The following UBE2E3 variants were observed in gnomAD, a reference collection of about 807,000 sequenced individuals.
UBE2E3 encodes the protein ubiquitin conjugating enzyme E2 E3.
UBE2E3 carries 5 observed loss-of-function variants against 23.6 expected under a neutral mutation model. The ratio of observed to expected loss-of-function variants is 0.21; its 90% CI spans 0.11 to 0.44. The LOEUF is 0.44. Among genes scored for constraint, UBE2E3 ranks in the 20% least tolerant of loss-of-function variants. UBE2E3 has a pLI of 0.99. For synonymous variants in UBE2E3, 78 were observed against 87.5 expected, an observed-to-expected ratio of 0.89 and a Z score of 0.60; for missense variants, 81 against 249.8, an observed-to-expected ratio of 0.32 and a Z score of 4.55.
At chr2:180,984,984 A>C (rs1215534985) in intron 3 of UBE2E3, among the ~76,000 whole-genome samples, 1 of 152,114 alleles carries the variant, frequency 6.6e-6, no homozygotes, top group Non-Finnish European at 1.5e-5. Flanking sequence ...TTATGGTTTG[A>C]TAGGACAATG....
At chr2:180,984,145 AGATT>A (rs761699908) in intron 3 of UBE2E3, 52 bp downstream of exon 3, 9 of 1,489,522 alleles carry the variant, frequency 6.0e-6, no homozygotes, top group Non-Finnish European at 8.4e-6. Flanking sequence ...AAATACCAAG[AGATT>A]GATGTATTGT....
At chr2:181,058,202 T>G (rs888327175) in intron 4 of UBE2E3, among the ~76,000 whole-genome samples, 5 of 151,738 alleles carry the variant, frequency 3.3e-5, no homozygotes, top group African/African-American at 1.2e-4. Flanking sequence ...TTTGACAGCT[T>G]CCAGAAATAA....
At chr2:181,055,673 TA>T (rs1422543762) in intron 3 of UBE2E3, among the ~76,000 whole-genome samples, 6 of 141,086 alleles carry the variant, frequency 4.3e-5, no homozygotes, top group African/African-American at 1.7e-4. Flanking sequence ...TATCCTGCAA[TA>T]GTTAAATGTA....
At chr2:180,995,799 C>T (rs1456935376) in intron 3 of UBE2E3, among the ~76,000 whole-genome samples, 1 of 148,724 alleles carries the variant, frequency 6.7e-6, no homozygotes, top group South Asian at 2.1e-4. Context: ...TTTAACGAAA[C>T]AAAACTCCTG....
chr2:181,031,793 TAAA>T (rs1686087769), intron 3 of UBE2E3, among the ~76,000 whole-genome samples: 1 of 152,178 alleles, frequency 6.6e-6, no homozygotes, highest in South Asian at 2.1e-4. Flanking sequence ...TGTGCTTACT[TAAA>T]AAGAAGTCGT....
chr2:181,016,093 C>T (rs1685481011), intron 3 of UBE2E3, among the ~76,000 whole-genome samples: 1 of 151,836 alleles, frequency 6.6e-6, no homozygotes, highest in Non-Finnish European at 1.5e-5. Context: ...ATTCATATGG[C>T]AGACCTTGAA....
At chr2:181,032,668 G>A (rs1307009468) in intron 3 of UBE2E3, among the ~76,000 whole-genome samples, 1 of 151,922 alleles carries the variant, frequency 6.6e-6, no homozygotes, top group African/African-American at 2.4e-5. Context: ...ACTGTAATTT[G>A]GACATGCAAA....
At chr2:180,981,675 A>T (rs969774145) in intron 1 of UBE2E3, among the ~76,000 whole-genome samples, 1 of 152,198 alleles carries the variant, frequency 6.6e-6, no homozygotes, top group Non-Finnish European at 1.5e-5. Flanking sequence ...TTTCAGCGAG[A>T]TCTGTTATTT....
At chr2:181,016,378 C>A (rs1685492409) in intron 3 of UBE2E3, among the ~76,000 whole-genome samples, 1 of 152,026 alleles carries the variant, frequency 6.6e-6, no homozygotes, top group Non-Finnish European at 1.5e-5. Context: ...CCATGCTTGG[C>A]TAATACCTTT....
chr2:181,034,642 G>A (rs574272183), intron 3 of UBE2E3, among the ~76,000 whole-genome samples: 17 of 152,182 alleles, frequency 1.1e-4, no homozygotes, highest in South Asian at 4.2e-4. Flanking sequence ...GAACCTGCAC[G>A]TTGTGCACAT....
chr2:181,047,074 A>C (rs144850992), intron 3 of UBE2E3, among the ~76,000 whole-genome samples: 21 of 152,284 alleles, frequency 1.4e-4, no homozygotes, highest in Non-Finnish European at 2.6e-4. Context: ...CAGCATACAC[A>C]TGCAGGTAGT....
At chr2:181,007,205 C>T (rs930500975) in intron 3 of UBE2E3, among the ~76,000 whole-genome samples, 1 of 152,180 alleles carries the variant, frequency 6.6e-6, no homozygotes. Flanking sequence ...ATGCCCACTG[C>T]CCCTTTGAGT....
intron 3 of UBE2E3, among the ~76,000 whole-genome samples, chr2:181,008,659 C>G (rs1321316216): frequency 6.6e-6 from 1 of 152,140 alleles, no homozygotes; most frequent in Non-Finnish European, 1.5e-5. Context: ...GGCGGAGTCT[C>G]TAGTGGTGAG....
In UBE2E3 at chr2:181,029,263, A is replaced by G. The variant is rs901112664; in HGVS notation, c.246-28430A>G. Among the ~76,000 whole-genome samples the G allele has an allele frequency of 2.0e-5, 3 of 151,916 alleles. No individual in the cohort carries two copies. In the East Asian group the frequency reaches 5.8e-4, roughly 29 times the overall value. On this transcript the variant is annotated intron_variant, in intron 3 of 5. Coordinates refer to ENST00000410062, the MANE Select transcript of UBE2E3 (RefSeq NM_006357.4). The stretch of plus-strand genomic sequence containing the variant: ...GATATCTAGTAGGACAAGTATCTGT[A>G]TTTTCATTAGGAGCTGCCTGACGCA...
chr2:180,995,739 AT>A (rs781291410), intron 3 of UBE2E3, among the ~76,000 whole-genome samples: 269 of 125,266 alleles, frequency 2.1e-3, no homozygotes, highest in South Asian at 9.8e-3. Context: ...TTCAGGCTGG[AT>A]TTTTTTTTTT....
intron 3 of UBE2E3, among the ~76,000 whole-genome samples, chr2:181,007,204 G>T (rs920007965): frequency 1.3e-5 from 2 of 152,128 alleles, no homozygotes; most frequent in East Asian, 1.9e-4. Flanking sequence ...AATGCCCACT[G>T]CCCCTTTGAG....
At chr2:181,000,049 T>C (rs1684945843) in intron 3 of UBE2E3, among the ~76,000 whole-genome samples, 2 of 152,216 alleles carry the variant, frequency 1.3e-5, no homozygotes, top group African/African-American at 4.8e-5. Flanking sequence ...TTAATACAGT[T>C]TGGTGATTGT....
At chr2:181,056,648 G>A (rs570681378) in intron 3 of UBE2E3, among the ~76,000 whole-genome samples, 9 of 151,838 alleles carry the variant, frequency 5.9e-5, no homozygotes, top group African/African-American at 1.7e-4. Flanking sequence ...CAACATTGCC[G>A]CGTTTGGGGG....
intron 3 of UBE2E3, among the ~76,000 whole-genome samples, chr2:181,037,577 A>G (rs1394393942): frequency 1.3e-5 from 2 of 152,214 alleles, no homozygotes; most frequent in African/African-American, 4.8e-5. Context: ...ATAGACAAAT[A>G]CAAAGGAAAA....
Sources: allele counts gnomAD v4.1 joint callset (sites outside exome capture counted in the v4.1 genomes callset), GRCh38; gene constraint gnomAD v4.1.1; transcripts MANE v1.5; gene names NCBI Gene and HGNC (gene_info 2026-07-23, HGNC 2026-07-21).